TEX9: variants seen among roughly 807,000 people sequenced by gnomAD.
The protein encoded by TEX9 is testis-expressed protein 9.
Under a neutral mutation model 59.6 loss-of-function variants are expected in TEX9, and 74 were observed. The observed-to-expected ratio is 1.24, with a 90% CI of 1.03 to 1.51. The LOEUF is 1.51. Ranked by LOEUF, TEX9 falls within the 40% of genes most tolerant of loss-of-function variation. The probability of loss-of-function intolerance (pLI) is 0.00; values close to 1 mark genes in which losing one functional copy is unlikely to be tolerated. For synonymous variants in TEX9, 186 were observed against 152.2 expected (o/e 1.22, Z -1.64); for missense variants, 522 against 447.8 (o/e 1.17, Z -1.49).
At chr15:56,321,847 T>G (rs1274493030) in intron 1 of TEX9, among the ~76,000 whole-genome samples, 1 of 152,084 alleles carries the variant, frequency 6.6e-6, no homozygotes, top group African/African-American at 2.4e-5. Context: ...AAATAATGGT[T>G]AGAGTAAAAA....
intron 1 of TEX9, among the ~76,000 whole-genome samples, chr15:56,355,740 T>G (rs1254650474): frequency 6.6e-6 from 1 of 152,108 alleles, no homozygotes; most frequent in Non-Finnish European, 1.5e-5. Flanking sequence ...TTTAGTTATC[T>G]TTGATATTTT....
chr15:56,449,315 C>G (rs2050931776), downstream of TEX9, among the ~76,000 whole-genome samples: 1 of 151,992 alleles, frequency 6.6e-6, no homozygotes, highest in Admixed American at 6.5e-5. Context: ...CCCTAGCTTG[C>G]TACACTCTTT....
intron 1 of TEX9, among the ~76,000 whole-genome samples, chr15:56,283,156 G>C (rs2718943): frequency 0.56 from 85,046 of 151,512 alleles, 24,307 homozygotes; most frequent in East Asian, 0.88. Flanking sequence ...GCAGAATTGA[G>C]AGTTTGAAGG....
chr15:56,355,464 T>C (rs1458509612), intron 1 of TEX9, among the ~76,000 whole-genome samples: 1 of 152,196 alleles, frequency 6.6e-6, no homozygotes, highest in African/African-American at 2.4e-5. Flanking sequence ...TCTCTTCTTT[T>C]CCATTGATTT....
At chr15:56,447,889 A>C (rs1567152448), downstream of TEX9, among the ~76,000 whole-genome samples, 2 of 152,184 alleles carry the variant, frequency 1.3e-5, no homozygotes, top group Non-Finnish European at 2.9e-5. Flanking sequence ...AATTCATATA[A>C]ATGGAATCAT....
chr15:56,254,655 C>A (rs2044102604), intron 1 of TEX9, among the ~76,000 whole-genome samples: 1 of 151,618 alleles, frequency 6.6e-6, no homozygotes, highest in Non-Finnish European at 1.5e-5. Context: ...AAGAATAATA[C>A]AAGTTTGCAG....
At chr15:56,281,884 T>C (rs2044828332) in intron 1 of TEX9, among the ~76,000 whole-genome samples, 1 of 152,172 alleles carries the variant, frequency 6.6e-6, no homozygotes, top group Non-Finnish European at 1.5e-5. Flanking sequence ...GATGATTAGA[T>C]TATATTGGTT....
chr15:56,280,344 A>G (rs1432740496), intron 1 of TEX9, among the ~76,000 whole-genome samples: 1 of 152,170 alleles, frequency 6.6e-6, no homozygotes, highest in Non-Finnish European at 1.5e-5. Flanking sequence ...AATGAAGGAT[A>G]TTACTGATTT....
rs138291230 is a variant in TEX9, at chr15:56,281,686, C to A, written c.-107+37408C>A. 2.2e-3 allele frequency among the ~76,000 whole-genome samples: 335 copies of A among 152,254 alleles called. 1 individual carries two copies. Among genetic ancestry groups the A allele is most frequent in the East Asian group, 0.014 (75 of 5,188 alleles). On this transcript the variant is annotated intron_variant, in intron 1 of 5. Coordinates refer to the TEX9 transcript ENST00000560827. Reference sequence around the variant, plus strand: ...AAATATAAGAAATCTACATTATCTACCCCATGAAGTAATTTTGTAATATTT... The same window carrying A: ...AAATATAAGAAATCTACATTATCTAACCCATGAAGTAATTTTGTAATATTT...
At chr15:56,326,332 C>T (rs1390138902) in intron 1 of TEX9, among the ~76,000 whole-genome samples, 1 of 152,044 alleles carries the variant, frequency 6.6e-6, no homozygotes, top group Non-Finnish European at 1.5e-5. Flanking sequence ...TTTTCATGCC[C>T]ACACCACAGC....
At chr15:56,270,753 G>A (rs1357930530) in intron 1 of TEX9, among the ~76,000 whole-genome samples, 6 of 152,156 alleles carry the variant, frequency 3.9e-5, no homozygotes, top group African/African-American at 1.4e-4. Flanking sequence ...AATTTGGCAC[G>A]TTTTTGCAGT....
chr15:56,318,665 C>T (rs2045833257), intron 1 of TEX9, among the ~76,000 whole-genome samples: 2 of 151,742 alleles, frequency 1.3e-5, no homozygotes, highest in South Asian at 2.1e-4. Flanking sequence ...TTTTAATTCT[C>T]TTGTTGTTTC....
intron 1 of TEX9, among the ~76,000 whole-genome samples, chr15:56,314,509 GA>G (rs1284807396): frequency 4.2e-4 from 60 of 143,570 alleles, no homozygotes; most frequent in African/African-American, 1.4e-3. Context: ...ACTGTGGTCT[GA>G]GAGATAGTTT....
chr15:56,407,475 T>G (rs2049134203), intron 9 of TEX9, among the ~76,000 whole-genome samples: 1 of 152,166 alleles, frequency 6.6e-6, no homozygotes, highest in South Asian at 2.1e-4. Context: ...CTAAGTCAGA[T>G]TTACTGGCAT....
At chr15:56,319,310 GT>G (rs1191527921) in intron 1 of TEX9, among the ~76,000 whole-genome samples, 1 of 151,260 alleles carries the variant, frequency 6.6e-6, no homozygotes, top group African/African-American at 2.4e-5. Flanking sequence ...CAAAGGAGGG[GT>G]TTTTAATGAT....
chr15:56,402,806 C>G (rs906231411), intron 9 of TEX9, among the ~76,000 whole-genome samples: 1 of 152,210 alleles, frequency 6.6e-6, no homozygotes, highest in African/African-American at 2.4e-5. Context: ...GGCTTCATCC[C>G]TGGTTGAACA....
chr15:56,451,799 C>G, the TEX9 span, among the ~76,000 whole-genome samples: 1 of 152,094 alleles, frequency 6.6e-6, no homozygotes, highest in African/African-American at 2.4e-5. Flanking sequence ...CATCGTACAT[C>G]AAGGAGCATC....
intron 1 of TEX9, among the ~76,000 whole-genome samples, chr15:56,267,792 G>A (rs2044423316): frequency 6.6e-6 from 1 of 152,140 alleles, no homozygotes; most frequent in East Asian, 1.9e-4. Context: ...TTTTGCTTAG[G>A]ATTGTCTTGG....
At chr15:56,351,057 T>C (rs1460756967) in intron 1 of TEX9, among the ~76,000 whole-genome samples, 1 of 152,164 alleles carries the variant, frequency 6.6e-6, no homozygotes, top group Non-Finnish European at 1.5e-5. Context: ...CCCAGAAACT[T>C]AAGATACAAC....
Sources: allele counts gnomAD v4.1 joint callset (sites outside exome capture counted in the v4.1 genomes callset), GRCh38; gene constraint gnomAD v4.1.1; transcripts MANE v1.5; gene names NCBI Gene and HGNC (gene_info 2026-07-23, HGNC 2026-07-21).